The following HTN3 variants were observed in gnomAD, a reference collection of about 807,000 sequenced individuals.
HTN3 encodes the protein histatin 3.
In HTN3, 15 loss-of-function variants were observed where a neutral mutation model predicts 10.6. The observed-to-expected ratio is 1.42, with a 90% CI of 0.95 to 2.18. The LOEUF (loss-of-function observed/expected upper bound fraction) is 2.18, where lower values mean the gene tolerates loss of function less well. Among genes scored for constraint, HTN3 ranks in the 30% most tolerant of loss-of-function variants. The probability of loss-of-function intolerance (pLI) is 0.00; values close to 1 mark genes in which losing one functional copy is unlikely to be tolerated. For missense variants in HTN3, 68 were observed against 58.0 expected (o/e 1.17, Z -0.56); for synonymous variants, 15 against 16.9 (o/e 0.89, Z 0.27).
At chr4:70,033,068 T>C in intron 4 of HTN3, 99 bp from the exon 5 acceptor site, 1 of 813,484 alleles carries the variant, frequency 1.2e-6, no homozygotes, top group Non-Finnish European at 2.0e-6. Flanking sequence ...TCATAACAAC[T>C]TTAACAATCT....
intron 1 of HTN3, among the ~76,000 whole-genome samples, chr4:70,028,822 T>C (rs1222941953): frequency 2.0e-5 from 3 of 152,094 alleles, no homozygotes; most frequent in Admixed American, 1.3e-4. Flanking sequence ...TCTTATTACT[T>C]TTATATTAAA....
chr4:70,033,696 T>G (rs1311440665), intron 5 of HTN3: 1 of 152,264 alleles, frequency 6.6e-6, no homozygotes, highest in Non-Finnish European at 1.5e-5. Flanking sequence ...TAAATTACTT[T>G]GGGCAGTAAG....
At chr4:70,032,539 A>C (rs1007252467) in intron 4 of HTN3, among the ~76,000 whole-genome samples, 1 of 152,104 alleles carries the variant, frequency 6.6e-6, no homozygotes, top group Non-Finnish European at 1.5e-5. Context: ...GTGCTAAATT[A>C]GACAGAAAAT....
intron 2 of HTN3, 119 bp from the exon 3 acceptor site, chr4:70,031,860 T>G: frequency 1.4e-6 from 1 of 698,280 alleles, no homozygotes. Context: ...TAGCATGTCA[T>G]CATCCAAAGA....
chr4:70,032,811 G>A (rs573818712), intron 4 of HTN3, among the ~76,000 whole-genome samples: 26 of 152,090 alleles, frequency 1.7e-4, no homozygotes, highest in African/African-American at 6.0e-4. Context: ...AGTTGGAAAC[G>A]GTAACTTTCT....
chr4:70,033,296 C>A, intron 5 of HTN3, 43 bp downstream of exon 5: 2 of 890,016 alleles, frequency 2.2e-6, no homozygotes, highest in East Asian at 2.6e-5. Context: ...AGTATCAACA[C>A]TGACAGTTAA....
intron 1 of HTN3, among the ~76,000 whole-genome samples, chr4:70,028,841 A>G (rs577576247): frequency 2.6e-5 from 4 of 152,224 alleles, no homozygotes; most frequent in African/African-American, 9.6e-5. Flanking sequence ...AACTTAATGT[A>G]GAAGTTCACA....
At chr4:70,030,826 T>C in intron 2 of HTN3, 35 bp downstream of exon 2, 4 of 1,459,414 alleles carry the variant, frequency 2.7e-6, no homozygotes, top group Non-Finnish European at 3.8e-6. Flanking sequence ...GGATACATTC[T>C]CAGTACTTAT....
rs889932202 is a variant in HTN3, at chr4:70,036,397, G to A, written c.*164G>A. On this transcript the variant is annotated 3_prime_UTR_variant, in exon 6 of 6. Coordinates refer to ENST00000673563, the MANE Select transcript of HTN3 (RefSeq NM_000200.3). ...GAAATACCATGATTTAGTGAATTCT[G>A]TGTTTCAGGATACTTCCCTTCCTAA... is the stretch of plus-strand genomic sequence containing the variant. The A allele has an allele frequency of 1.3e-5, 2 of 152,164 alleles. No homozygotes were observed. The highest frequency in any genetic ancestry group is 2.9e-5 in the Non-Finnish European group (2 of 68,034). 9.4% of individuals were successfully genotyped at this position (152,164 alleles called of 1,614,324 possible).
At chr4:70,032,181 A>G in intron 4 of HTN3, 74 bp downstream of exon 4, 1 of 933,642 alleles carries the variant, frequency 1.1e-6, no homozygotes, top group Admixed American at 2.2e-5. Context: ...AGAATAATTG[A>G]TAGTTATCTC....
chr4:70,033,053 C>T (rs906339644), intron 4 of HTN3, 114 bp from the exon 5 acceptor site: 24 of 709,614 alleles, frequency 3.4e-5, no homozygotes, highest in Middle Eastern at 3.1e-4. Flanking sequence ...AGATAACACA[C>T]GAGGTCATAA....
At chr4:70,033,092 C>A in intron 4 of HTN3, 75 bp from the exon 5 acceptor site, 1 of 1,009,030 alleles carries the variant, frequency 9.9e-7, no homozygotes, top group Non-Finnish European at 1.5e-6. Context: ...CTTTCAGTGA[C>A]AGTTTTTGTG....
At chr4:70,032,170 T>G in intron 4 of HTN3, 63 bp downstream of exon 4, 17 of 1,015,196 alleles carry the variant, frequency 1.7e-5, no homozygotes, top group Non-Finnish European at 2.4e-5. Context: ...TTTATTCTCC[T>G]AGAATAATTG....
chr4:70,032,414 A>T (rs1179986596), intron 4 of HTN3, among the ~76,000 whole-genome samples: 1 of 152,080 alleles, frequency 6.6e-6, no homozygotes, highest in Admixed American at 6.5e-5. Flanking sequence ...TCTATGAATA[A>T]TTCCTAATTC....
At position 70,033,168 on chromosome 4, in the gene HTN3, A is replaced by G; in HGVS notation, c.104A>G (p.Glu35Gly). The change falls in exon 5 of 6, where the codon GAA (glutamate) becomes GGA (glycine). Residue 35 changes from glutamate (E) to glycine (G), a missense_variant and splice_region_variant. By Grantham distance (98) the Glu-to-Gly change is moderately conservative. Coordinates refer to ENST00000673563, the MANE Select transcript of HTN3 (RefSeq NM_000200.3). ...CTCTCTCCTTTTGTGTGTATGCAGG[A>G]AAAGCATCATTCACATCGAGGCTAT... ...RHHGYKRKFH[E>G]KHHSHRGYRS... 1.9e-6 allele frequency: 3 copies of G among 1,604,758 alleles called. No individual in the cohort carries two copies. Among genetic ancestry groups the G allele is most frequent in the Non-Finnish European group, 2.6e-6 (3 of 1,173,342 alleles).
chr4:70,036,112 TTTAA>T (rs1245863689), intron 5 of HTN3, among the ~76,000 whole-genome samples, 151 bp from the exon 6 acceptor site: 5 of 152,214 alleles, frequency 3.3e-5, no homozygotes, highest in East Asian at 1.9e-4. Flanking sequence ...TATTTAATTG[TTTAA>T]TTGTCTACTC....
Position 70,032,063 on chromosome 4 carries a change from C to T in HTN3, c.73-15C>T. 6.5e-7 allele frequency: 1 copy of T among 1,533,776 alleles called. No individual in the cohort carries two copies. On this transcript the variant is annotated splice_polypyrimidine_tract_variant and intron_variant, in intron 3 of 5. Transcript: ENST00000673563. ...TCATATATTGAATTTTTAATCTTTT[C>T]TTTTTATTTCATAGAGACATCATGG...
chr4:70,032,082 A>G lies in HTN3; in HGVS notation c.77A>G (p.His26Arg), dbSNP rs1725394726. 2 of 1,538,602 alleles carry G rather than the reference A, an allele frequency of 1.3e-6. No homozygotes were observed. The highest frequency in any genetic ancestry group is 1.7e-5 in the Admixed American group (1 of 58,952). Residue 26 changes from histidine (H) to arginine (R), a missense_variant, in exon 4 of 6, where the codon CAT becomes CGT. His to Arg is a conservative substitution (Grantham distance 29). Transcript: ENST00000673563. ...TCTTTTCTTTTTATTTCATAGAGAC[A>G]TCATGGGTATAAAAGAAAATTCCAT... ...MTGADSHAKRHHGYKRKFHEK... is the reference protein window; with the variant it reads ...MTGADSHAKRRHGYKRKFHEK...
chr4:70,030,111 C>T (rs1725345990), intron 1 of HTN3, among the ~76,000 whole-genome samples: 1 of 151,196 alleles, frequency 6.6e-6, no homozygotes. Context: ...CAGTTTTGTC[C>T]TCCCTACATG....
Sources: allele counts gnomAD v4.1 joint callset (sites outside exome capture counted in the v4.1 genomes callset), GRCh38; gene constraint gnomAD v4.1.1; transcripts MANE v1.5; gene names NCBI Gene and HGNC (gene_info 2026-07-23, HGNC 2026-07-21).